Variants in SGPP2 observed in about 807,000 individuals in gnomAD.
SGPP2 encodes the protein sphingosine-1-phosphate phosphatase 2.
In SGPP2, 30 loss-of-function variants were observed where a neutral mutation model predicts 33.9. The observed-to-expected ratio is 0.89, with a 90% CI of 0.66 to 1.20. SGPP2 has a LOEUF of 1.20. Ranked by LOEUF, SGPP2 falls within the 50% of genes most tolerant of loss-of-function variation. The probability of loss-of-function intolerance (pLI) is 0.00; values close to 1 mark genes in which losing one functional copy is unlikely to be tolerated. For missense variants in SGPP2, 458 were observed against 532.1 expected (o/e 0.86, Z 1.37); for synonymous variants, 233 against 225.0 (o/e 1.04, Z -0.32).
At chr2:222,543,030 C>A (rs1699020944) in intron 4 of SGPP2, among the ~76,000 whole-genome samples, 1 of 152,108 alleles carries the variant, frequency 6.6e-6, no homozygotes, top group Admixed American at 6.6e-5. Context: ...CTGTAGCTTG[C>A]TTTTTCACCC....
chr2:222,468,922 G>A (rs1003566466), intron 1 of SGPP2, among the ~76,000 whole-genome samples: 1 of 152,136 alleles, frequency 6.6e-6, no homozygotes, highest in Non-Finnish European at 1.5e-5. Context: ...AGGGAAATGT[G>A]CATTTAAAGA....
intron 2 of SGPP2, among the ~76,000 whole-genome samples, chr2:222,506,118 A>G (rs1698441200): frequency 6.6e-6 from 1 of 152,156 alleles, no homozygotes; most frequent in Admixed American, 6.5e-5. Flanking sequence ...TTTCATAGCT[A>G]CCTCTTGTTA....
At chr2:222,459,624 T>G (rs537831479) in intron 1 of SGPP2, among the ~76,000 whole-genome samples, 1 of 150,376 alleles carries the variant, frequency 6.6e-6, no homozygotes, top group African/African-American at 2.4e-5. Flanking sequence ...CGTGCATGGG[T>G]GTGTGTGTGT....
chr2:222,425,479 G>A (rs1254291571), intron 1 of SGPP2, among the ~76,000 whole-genome samples: 1 of 152,208 alleles, frequency 6.6e-6, no homozygotes, highest in Admixed American at 6.5e-5. Context: ...AGATGCTTCT[G>A]GGAGGGAAGC....
At chr2:222,521,637 C>A (rs761411333) in intron 2 of SGPP2, 130 bp from the exon 3 acceptor site, 25 of 938,466 alleles carry the variant, frequency 2.7e-5, no homozygotes, top group Admixed American at 3.1e-5. Flanking sequence ...ACTTTGCCAA[C>A]AAGTAGCTGG....
In SGPP2 at chr2:222,465,757, C is replaced by T. The variant is rs1251443880; in HGVS notation, c.220-8811C>T. ...AAGTCTGGGCTTGGTTTCACGTCTG[C>T]TCTTGAGGTCATCTCCTCTCTGTCT... is the stretch of plus-strand genomic sequence containing the variant. On this transcript the variant is annotated intron_variant, in intron 1 of 4. Transcript: ENST00000321276. The surrounding 1 kb of genome is among the most constrained non-coding windows in gnomAD (Gnocchi z 4.1). 6.6e-6 allele frequency among the ~76,000 whole-genome samples: 1 copy of T among 152,198 alleles called. No homozygotes were observed. Among genetic ancestry groups the T allele is most frequent in the Non-Finnish European group, 1.5e-5 (1 of 68,042 alleles).
intron 2 of SGPP2, among the ~76,000 whole-genome samples, chr2:222,479,602 A>G (rs893195664): frequency 2.0e-4 from 30 of 151,328 alleles, no homozygotes; most frequent in Non-Finnish European, 4.0e-4. Context: ...ACGGAGTTTC[A>G]CTGTGTTAGC....
chr2:222,489,515 T>C (rs1698164724), intron 2 of SGPP2, among the ~76,000 whole-genome samples: 2 of 151,970 alleles, frequency 1.3e-5, no homozygotes, highest in African/African-American at 4.8e-5. Flanking sequence ...AAATTAGAAA[T>C]TTAAACCTAA....
chr2:222,540,108 C>A (rs1475129207), intron 4 of SGPP2, among the ~76,000 whole-genome samples: 1 of 152,064 alleles, frequency 6.6e-6, no homozygotes, highest in South Asian at 2.1e-4. Flanking sequence ...GATGAGTATA[C>A]CTTATCTGAA....
intron 1 of SGPP2, among the ~76,000 whole-genome samples, chr2:222,468,209 G>C (rs1697780599): frequency 6.6e-6 from 1 of 152,024 alleles, no homozygotes; most frequent in African/African-American, 2.4e-5. Flanking sequence ...AAGGACTGGG[G>C]CGTGGGGCGG....
At chr2:222,521,712 A>C in intron 2 of SGPP2, 55 bp from the exon 3 acceptor site, 1 of 1,539,834 alleles carries the variant, frequency 6.5e-7, no homozygotes, top group Non-Finnish European at 8.7e-7. Flanking sequence ...GACATTTGGA[A>C]ATGCATTCAT....
At position 222,477,329 on chromosome 2, in the gene SGPP2, CTA is replaced by C. The variant is rs576980104; in HGVS notation, c.378+2605_378+2606del. Among the ~76,000 whole-genome samples, 101 of 129,540 alleles carry C rather than the reference CTA, an allele frequency of 7.8e-4. No individual in the cohort carries two copies. Among genetic ancestry groups the C allele is most frequent in the African/African-American group, 2.8e-3 (94 of 34,040 alleles). The allele number at this position is 129,540 out of a possible 152,430, so 85.0% of individuals were successfully genotyped here. A position where few individuals can be genotyped will look rare whatever the true frequency, so the allele number is the denominator to read the frequency against. ...TATAGGTGTGAGTATATATGTGTGTCTATGTGTGTGTGTATAGGTGTGTATAT... is the reference window on the plus strand; with the variant it reads ...TATAGGTGTGAGTATATATGTGTGTCTGTGTGTGTGTATAGGTGTGTATAT... On this transcript the variant is annotated intron_variant, in intron 2 of 4. Coordinates refer to ENST00000321276, the MANE Select transcript of SGPP2 (RefSeq NM_152386.4). This position sits in a 1 kb window ranked among gnomAD's most constrained non-coding sequence, Gnocchi z 6.0.
At chr2:222,494,718 A>G (rs1461226229) in intron 2 of SGPP2, among the ~76,000 whole-genome samples, 1 of 152,228 alleles carries the variant, frequency 6.6e-6, no homozygotes, top group Non-Finnish European at 1.5e-5. Context: ...CTCCAAAACA[A>G]TTGTATAACT....
intron 2 of SGPP2, among the ~76,000 whole-genome samples, chr2:222,494,180 A>G (rs1369897595): frequency 1.3e-5 from 2 of 152,166 alleles, no homozygotes; most frequent in African/African-American, 2.4e-5. Context: ...CACTCCTTCT[A>G]TTTTATGGAA....
chr2:222,499,797 T>C (rs1698339367), intron 2 of SGPP2, among the ~76,000 whole-genome samples: 1 of 152,078 alleles, frequency 6.6e-6, no homozygotes, highest in South Asian at 2.1e-4. Flanking sequence ...GAGTTGCCTG[T>C]TTGTGGTTGA....
intron 3 of SGPP2, among the ~76,000 whole-genome samples, chr2:222,522,847 TA>T (rs948681215): frequency 8.5e-5 from 13 of 152,158 alleles, no homozygotes; most frequent in African/African-American, 2.6e-4. Flanking sequence ...CCCAGATAAT[TA>T]AAAAAAATTT....
chr2:222,450,163 C>G (rs1038623181), intron 1 of SGPP2, among the ~76,000 whole-genome samples: 1 of 152,178 alleles, frequency 6.6e-6, no homozygotes, highest in Non-Finnish European at 1.5e-5. Context: ...TCCTCTGAGA[C>G]GAAGAAAGCA....
At position 222,467,030 on chromosome 2, in the gene SGPP2, C is replaced by A. The variant is rs375223764; in HGVS notation, c.220-7538C>A. ...TCACCTGGATCACATTACTTACTCTCTTAATGCCAGTTGAGATAACCTCTA... is the reference window on the plus strand; with the variant it reads ...TCACCTGGATCACATTACTTACTCTATTAATGCCAGTTGAGATAACCTCTA... On this transcript the variant is annotated intron_variant, in intron 1 of 4. Coordinates refer to ENST00000321276, the MANE Select transcript of SGPP2 (RefSeq NM_152386.4). 9.1e-4 allele frequency among the ~76,000 whole-genome samples: 139 copies of A among 152,304 alleles called. 7 individuals carry two copies. In the South Asian group the frequency reaches 0.028, roughly 30 times the overall value.
rs1328849649 is a variant in SGPP2 at position 222,521,780 on chromosome 2, T to C, written c.392T>C (p.Ile131Thr). The change falls in exon 3 of 5, where the codon ATT (isoleucine) becomes ACT (threonine). Residue 131 changes from isoleucine (I) to threonine (T), a missense_variant. Ile to Thr is a moderately conservative substitution (Grantham distance 89). Transcript: ENST00000321276. ...TTGGTTTTGCAGTTGGTGATGTATATTGGCCAAGTGGCCAAGGATGTCTTG... is the reference window on the plus strand; with the variant it reads ...TTGGTTTTGCAGTTGGTGATGTATACTGGCCAAGTGGCCAAGGATGTCTTG... ...LIIIWVLVMY[I>T]GQVAKDVLKW... is the part of the protein sequence containing the mutation. 1 of 1,602,894 alleles carries C rather than the reference T, an allele frequency of 6.2e-7. No individual in the cohort carries two copies. Among genetic ancestry groups the C allele is most frequent in the Non-Finnish European group, 8.5e-7 (1 of 1,176,110 alleles).
Sources: allele counts gnomAD v4.1 joint callset (sites outside exome capture counted in the v4.1 genomes callset), GRCh38; gene constraint gnomAD v4.1.1; non-coding constraint Gnocchi (gnomAD v3.1); transcripts MANE v1.5; gene names NCBI Gene and HGNC (gene_info 2026-07-23, HGNC 2026-07-21).